The following APP variants were observed in gnomAD, a reference collection of about 807,000 sequenced individuals.
APP encodes the protein amyloid-beta precursor protein.
Under a neutral mutation model 101.4 loss-of-function variants are expected in APP, and 31 were observed. The observed-to-expected ratio is 0.31, with a 90% CI of 0.23 to 0.41. The LOEUF (loss-of-function observed/expected upper bound fraction) is 0.41. APP is among the 10% of genes least tolerant of loss of function. APP has a pLI of 1.00. For missense variants in APP, 839 were observed against 1,003.7 expected (o/e 0.84, Z 2.22); for synonymous variants, 366 against 364.4 (o/e 1.00, Z -0.05).
chr21:26,016,930 TGG>T lies in APP; in HGVS notation c.865+4908_865+4909del, dbSNP rs1277657878. On this transcript the variant is annotated intron_variant, in intron 6 of 17. Coordinates refer to ENST00000346798, the MANE Select transcript of APP (RefSeq NM_000484.4). Reference sequence around the variant, plus strand: ...GGTGGCCTGTATTCCCAGCACTTTGTGGGGGGCGGGGGGCGGGGGGCGGGGGG... The same window carrying T: ...GGTGGCCTGTATTCCCAGCACTTTGTGGGGCGGGGGGCGGGGGGCGGGGGG... Among the ~76,000 whole-genome samples the T allele has an allele frequency of 1.7e-3, 40 of 23,562 alleles. 1 individual carries two copies. Among genetic ancestry groups the T allele is most frequent in the African/African-American group, 3.3e-3 (35 of 10,672 alleles). The allele number at this position is 23,562 out of a possible 152,430, so 15.5% of individuals were successfully genotyped here.
chr21:26,106,854 G>GT (rs1217672976), intron 2 of APP, among the ~76,000 whole-genome samples: 16 of 152,154 alleles, frequency 1.1e-4, no homozygotes, highest in Non-Finnish European at 1.3e-4. Flanking sequence ...GACCCACGTT[G>GT]TTTTTCCTGC....
intron 3 of APP, among the ~76,000 whole-genome samples, chr21:26,084,995 T>C (rs1601420486): frequency 6.6e-6 from 1 of 152,238 alleles, no homozygotes; most frequent in Non-Finnish European, 1.5e-5. Context: ...ACTGATTTCA[T>C]AGTCTATCTT....
intron 7 of APP, among the ~76,000 whole-genome samples, chr21:25,998,853 G>A (rs1006093057): frequency 1.3e-5 from 2 of 152,126 alleles, no homozygotes; most frequent in Non-Finnish European, 1.5e-5. Context: ...GTCTGTTAAC[G>A]ACATGGAAGT....
intron 1 of APP, among the ~76,000 whole-genome samples, chr21:26,148,419 T>G (rs2063197119): frequency 1.3e-5 from 2 of 152,222 alleles, no homozygotes; most frequent in Non-Finnish European, 2.9e-5. Context: ...CTAGTGTTTT[T>G]TCTTCAGGGT....
intron 3 of APP, among the ~76,000 whole-genome samples, chr21:26,059,606 A>G (rs8132677): frequency 0.44 from 66,882 of 152,020 alleles, 14,875 homozygotes; most frequent in East Asian, 0.6. Context: ...AAGAGAAGGC[A>G]AGGGCCGGGC....
At chr21:26,157,987 AAGTCTCT>A (rs2063410231) in intron 1 of APP, 1 of 152,214 alleles carries the variant, frequency 6.6e-6, no homozygotes, top group East Asian at 1.9e-4. Flanking sequence ...TGTTTTGAGG[AAGTCTCT>A]AGATCAAACG....
intron 3 of APP, among the ~76,000 whole-genome samples, chr21:26,069,007 C>T (rs2046569893): frequency 6.6e-6 from 1 of 152,158 alleles, no homozygotes; most frequent in South Asian, 2.1e-4. Context: ...TGACTAATTC[C>T]TCATTGGGTC....
chr21:26,133,434 A>AT (rs1265193533), intron 1 of APP, among the ~76,000 whole-genome samples: 2 of 152,242 alleles, frequency 1.3e-5, no homozygotes, highest in East Asian at 1.9e-4. Flanking sequence ...ACAAATCATT[A>AT]GACTATGGAT....
At chr21:25,972,101 T>G (rs1005398331) in intron 11 of APP, among the ~76,000 whole-genome samples, 1 of 152,242 alleles carries the variant, frequency 6.6e-6, no homozygotes, top group Non-Finnish European at 1.5e-5. Context: ...ACATGGATAT[T>G]TAAACAGTTT....
chr21:26,043,694 T>C (rs917152845), intron 5 of APP, among the ~76,000 whole-genome samples: 2 of 152,250 alleles, frequency 1.3e-5, no homozygotes. Flanking sequence ...GCCAAGTATT[T>C]TCCTGCATCA....
chr21:25,939,824 A>G (rs1183819923), intron 13 of APP, among the ~76,000 whole-genome samples: 1 of 152,124 alleles, frequency 6.6e-6, no homozygotes, highest in African/African-American at 2.4e-5. Context: ...TATATTACAA[A>G]AAAAAAAAGT....
intron 1 of APP, among the ~76,000 whole-genome samples, chr21:26,119,329 G>A (rs1016884278): frequency 1.3e-5 from 2 of 152,106 alleles, no homozygotes; most frequent in African/African-American, 4.8e-5. Flanking sequence ...CAAGTAAAAC[G>A]GGAAGCAAAC....
intron 5 of APP, among the ~76,000 whole-genome samples, chr21:26,049,694 T>C (rs1235195634): frequency 6.6e-6 from 1 of 152,040 alleles, no homozygotes; most frequent in African/African-American, 2.4e-5. Context: ...ATGTGAAGGG[T>C]TTCAGCCAAG....
intron 5 of APP, among the ~76,000 whole-genome samples, chr21:26,045,733 T>G (rs766220931): frequency 6.6e-6 from 1 of 152,152 alleles, no homozygotes; most frequent in Non-Finnish European, 1.5e-5. Flanking sequence ...CCAGAACTGA[T>G]GAAGTTTAAA....
In APP at chr21:25,952,191, TACACACAC is replaced by T. The variant is rs57270357; in HGVS notation, c.1687+2391_1687+2398del. Among the ~76,000 whole-genome samples the T allele has an allele frequency of 1.6e-4, 22 of 139,992 alleles. 1 individual carries two copies. In the East Asian group the frequency reaches 2.0e-3, roughly 13 times the overall value. The allele number at this position is 139,992 out of a possible 152,430, so 91.8% of individuals were successfully genotyped here. A position where few individuals can be genotyped will look rare whatever the true frequency, so the allele number is the denominator to read the frequency against. ...GTGGATTGAGAGCATATTACATACA[TACACACAC>T]ACACACACACACACACACACACACA... On this transcript the variant is annotated intron_variant, in intron 13 of 17. Transcript: ENST00000346798.
At chr21:25,977,583 T>C (rs566984026) in intron 9 of APP, among the ~76,000 whole-genome samples, 1 of 152,378 alleles carries the variant, frequency 6.6e-6, no homozygotes, top group South Asian at 2.1e-4. Flanking sequence ...TAATTACAGA[T>C]TTTATTGTCC....
At chr21:26,047,931 CATG>C (rs1029110885) in intron 5 of APP, among the ~76,000 whole-genome samples, 2 of 152,190 alleles carry the variant, frequency 1.3e-5, no homozygotes, top group African/African-American at 4.8e-5. Context: ...ATATTGGTCA[CATG>C]ATATTTCAGA....
chr21:25,978,926 G>C lies in APP; in HGVS notation c.1225-2898C>G, dbSNP rs567553867. 4.1e-4 allele frequency among the ~76,000 whole-genome samples: 62 copies of C among 152,280 alleles called. 2 individuals carry two copies. In the South Asian group the frequency reaches 0.011, roughly 28 times the overall value. ...TAGATTGTGCCACTGCACTCCAGCT[G>C]GGTGACAGAGCAAGACTCCATCTCC... On this transcript the variant is annotated intron_variant, in intron 9 of 17. Transcript: ENST00000346798.
upstream of APP, chr21:26,170,820 C>T (rs200621906): frequency 1.1e-3 from 562 of 527,662 alleles, no homozygotes; most frequent in Non-Finnish European, 1.5e-3. Context: ...TCAGCTGATC[C>T]GGCCCACCCC....
Sources: allele counts gnomAD v4.1 joint callset (sites outside exome capture counted in the v4.1 genomes callset), GRCh38; gene constraint gnomAD v4.1.1; transcripts MANE v1.5; gene names NCBI Gene and HGNC (gene_info 2026-07-23, HGNC 2026-07-21).